Variants in GPC6 observed in about 807,000 individuals in gnomAD.
GPC6 encodes the protein glypican-6.
GPC6 carries 14 observed loss-of-function variants against 55.2 expected under a neutral mutation model. The ratio of observed to expected loss-of-function variants is 0.25; its 90% CI spans 0.17 to 0.40. GPC6 has a LOEUF of 0.40. Ranked by LOEUF, GPC6 falls within the 10% of genes least tolerant of loss-of-function variation. The pLI, the probability that GPC6 is intolerant of heterozygous loss-of-function variation, is 1.00. For synonymous variants in GPC6, 278 were observed against 259.6 expected, an observed-to-expected ratio of 1.07 and a Z score of -0.68; for missense variants, 641 against 708.5, an observed-to-expected ratio of 0.90 and a Z score of 1.08.
intron 4 of GPC6, among the ~76,000 whole-genome samples, chr13:94,059,870 G>A (rs1286113645): frequency 6.6e-6 from 1 of 151,610 alleles, no homozygotes; most frequent in Non-Finnish European, 1.5e-5. Context: ...ATCACTTTGG[G>A]GTTTCATTTT....
At chr13:93,265,142 G>A (rs749931704) in intron 1 of GPC6, among the ~76,000 whole-genome samples, 8 of 152,140 alleles carry the variant, frequency 5.3e-5, no homozygotes, top group Non-Finnish European at 1.0e-4. Flanking sequence ...CTCTGTGAAG[G>A]ACCTGAGAGG....
intron 2 of GPC6, among the ~76,000 whole-genome samples, chr13:93,739,682 A>C (rs1387653428): frequency 6.6e-6 from 1 of 151,804 alleles, no homozygotes; most frequent in East Asian, 1.9e-4. Flanking sequence ...ACCCGCCTCC[A>C]CGTCCCAAAG....
intron 1 of GPC6, among the ~76,000 whole-genome samples, chr13:93,413,916 G>C (rs756896159): frequency 6.6e-6 from 1 of 152,148 alleles, no homozygotes; most frequent in African/African-American, 2.4e-5. Flanking sequence ...AATCAAGTTA[G>C]TTTAGGTTTC....
intron 2 of GPC6, among the ~76,000 whole-genome samples, chr13:93,606,257 A>G (rs1486084826): frequency 1.3e-5 from 2 of 152,202 alleles, no homozygotes; most frequent in Non-Finnish European, 2.9e-5. Flanking sequence ...CTATCACAAC[A>G]TGTGCTGACT....
In GPC6 at chr13:93,940,407, T is replaced by C. The variant is rs374464300; in HGVS notation, c.712-87322T>C. Among the ~76,000 whole-genome samples the C allele has an allele frequency of 4.1e-3, 602 of 145,140 alleles. 9 individuals carry two copies. Among genetic ancestry groups the C allele is most frequent in the African/African-American group, 0.015 (587 of 39,606 alleles). ...AAGGATGGACGGTTGGATGAATGGA[T>C]GGATGAATGGATGGATGGATGGATG... On this transcript the variant is annotated intron_variant, in intron 3 of 8. Transcript: ENST00000377047.
At chr13:94,267,887 T>G (rs1294484251) in intron 4 of GPC6, among the ~76,000 whole-genome samples, 1 of 152,198 alleles carries the variant, frequency 6.6e-6, no homozygotes, top group Admixed American at 6.5e-5. Context: ...CCATTGCAGT[T>G]TATTTATGTG....
chr13:93,644,678 A>G (rs896267038), intron 2 of GPC6, among the ~76,000 whole-genome samples: 22 of 152,070 alleles, frequency 1.4e-4, no homozygotes, highest in Admixed American at 3.9e-4. Context: ...TAATGATGAT[A>G]GTTAATAATT....
At chr13:94,112,554 A>C (rs1374486111) in intron 4 of GPC6, among the ~76,000 whole-genome samples, 1 of 152,154 alleles carries the variant, frequency 6.6e-6, no homozygotes, top group Admixed American at 6.6e-5. Context: ...GCATCATCTT[A>C]ATACCTAAAG....
intron 2 of GPC6, among the ~76,000 whole-genome samples, chr13:93,551,214 C>T (rs540950862): frequency 1.4e-4 from 22 of 151,750 alleles, no homozygotes; most frequent in Non-Finnish European, 2.9e-4. Flanking sequence ...TTATTTTCAA[C>T]AATGTTAATG....
intron 1 of GPC6, among the ~76,000 whole-genome samples, chr13:93,457,782 G>T (rs1393058983): frequency 6.6e-6 from 1 of 152,014 alleles, no homozygotes; most frequent in Non-Finnish European, 1.5e-5. Flanking sequence ...GAGAACCAGA[G>T]ATACTAATGA....
At chr13:93,616,036 T>G (rs1023752800) in intron 2 of GPC6, among the ~76,000 whole-genome samples, 1 of 152,096 alleles carries the variant, frequency 6.6e-6, no homozygotes. Flanking sequence ...AAATATGTAC[T>G]TGTACGTATT....
chr13:93,744,671 G>A, intron 2 of GPC6, among the ~76,000 whole-genome samples: 1 of 151,450 alleles, frequency 6.6e-6, no homozygotes, highest in East Asian at 1.9e-4. Context: ...CAGGCGTGGT[G>A]GCTCACACCT....
intron 3 of GPC6, among the ~76,000 whole-genome samples, chr13:93,934,635 A>T (rs372773664): frequency 1.2e-4 from 18 of 152,302 alleles, no homozygotes; most frequent in African/African-American, 3.8e-4. Flanking sequence ...TGGAACAATG[A>T]TCAGTCTGCT....
chr13:93,369,887 GT>G, intron 1 of GPC6, among the ~76,000 whole-genome samples: 1 of 152,158 alleles, frequency 6.6e-6, no homozygotes, highest in Non-Finnish European at 1.5e-5. Context: ...CAAATCATCA[GT>G]TTTTTCCATG....
intron 1 of GPC6, among the ~76,000 whole-genome samples, chr13:93,330,385 T>G (rs1879802444): frequency 6.6e-6 from 1 of 152,020 alleles, no homozygotes. Flanking sequence ...AAGCCATATG[T>G]GGTAGTGTGG....
At chr13:93,947,534 G>C (rs749996848) in intron 3 of GPC6, among the ~76,000 whole-genome samples, 1 of 152,154 alleles carries the variant, frequency 6.6e-6, no homozygotes, top group African/African-American at 2.4e-5. Context: ...AACATGAACA[G>C]CAATATGTTG....
At chr13:94,167,168 G>T (rs1888396671) in intron 4 of GPC6, among the ~76,000 whole-genome samples, 2 of 152,062 alleles carry the variant, frequency 1.3e-5, no homozygotes, top group Admixed American at 1.3e-4. Context: ...TTCCAAATTT[G>T]GTTCATTTAA....
chr13:93,556,707 C>G (rs1875501652), intron 2 of GPC6, among the ~76,000 whole-genome samples: 1 of 151,972 alleles, frequency 6.6e-6, no homozygotes, highest in Non-Finnish European at 1.5e-5. Context: ...CGCTGCCCGT[C>G]ACTCCCCTTC....
intron 4 of GPC6, among the ~76,000 whole-genome samples, chr13:94,255,458 A>C (rs569678889): frequency 6.6e-6 from 1 of 152,336 alleles, no homozygotes; most frequent in South Asian, 2.1e-4. Context: ...AAAAGGTCAC[A>C]GAGAAGAGAA....
Sources: gnomAD v4.1 joint callset for allele counts (sites outside exome capture counted in the v4.1 genomes callset) on GRCh38, gnomAD v4.1.1 for gene constraint, MANE v1.5 for transcripts, NCBI Gene and HGNC (gene_info 2026-07-23, HGNC 2026-07-21) for gene names.